SLC39A11: variants seen among roughly 807,000 people sequenced by gnomAD.
SLC39A11 encodes zinc transporter ZIP11.
In SLC39A11, 33 loss-of-function variants were observed where a neutral mutation model predicts 36.1. The observed-to-expected ratio is 0.91, with a 90% CI of 0.69 to 1.22. SLC39A11 has a LOEUF of 1.22. Ranked by LOEUF, SLC39A11 falls within the 50% of genes most tolerant of loss-of-function variation. SLC39A11 has a pLI of 0.00. For synonymous variants in SLC39A11, 166 were observed against 170.3 expected, an observed-to-expected ratio of 0.97 and a Z score of 0.20; for missense variants, 432 against 430.3, an observed-to-expected ratio of 1.00 and a Z score of -0.03.
intron 5 of SLC39A11, among the ~76,000 whole-genome samples, chr17:72,927,483 G>T (rs2084116239): frequency 6.6e-6 from 1 of 152,154 alleles, no homozygotes; most frequent in African/African-American, 2.4e-5. Flanking sequence ...TAGAATGGAA[G>T]GCCATCCCAT....
At chr17:72,747,121 G>A (rs972011639) in intron 6 of SLC39A11, among the ~76,000 whole-genome samples, 1 of 152,148 alleles carries the variant, frequency 6.6e-6, no homozygotes, top group African/African-American at 2.4e-5. Flanking sequence ...GGGCTTTGGG[G>A]ACAGGGTGTG....
intron 5 of SLC39A11, among the ~76,000 whole-genome samples, chr17:72,884,674 T>C (rs2081365668): frequency 6.6e-6 from 1 of 152,196 alleles, no homozygotes; most frequent in Non-Finnish European, 1.5e-5. Context: ...TCTTGAACAT[T>C]AGAGTTTAAT....
At chr17:72,992,064 C>T (rs932750784) in intron 4 of SLC39A11, among the ~76,000 whole-genome samples, 5 of 152,002 alleles carry the variant, frequency 3.3e-5, no homozygotes, top group Admixed American at 6.6e-5. Flanking sequence ...GAATTTAAAT[C>T]GCAGAGGCCA....
intron 4 of SLC39A11, among the ~76,000 whole-genome samples, chr17:72,992,737 C>T (rs2089257114): frequency 6.6e-6 from 1 of 152,060 alleles, no homozygotes; most frequent in African/African-American, 2.4e-5. Context: ...AATACTAATG[C>T]TAAAAAATAA....
intron 4 of SLC39A11, among the ~76,000 whole-genome samples, chr17:73,009,998 G>A (rs1408548916): frequency 6.6e-6 from 1 of 151,650 alleles, no homozygotes; most frequent in Non-Finnish European, 1.5e-5. Flanking sequence ...AGTAGGTTCT[G>A]GAGCCCTCTC....
intron 7 of SLC39A11, among the ~76,000 whole-genome samples, chr17:72,715,280 A>G (rs1457360445): frequency 6.6e-6 from 1 of 152,256 alleles, no homozygotes; most frequent in East Asian, 1.9e-4. Flanking sequence ...CGAATGATTT[A>G]GCAATGCCTC....
chr17:72,696,359 G>A (rs1015142706), intron 7 of SLC39A11, among the ~76,000 whole-genome samples: 3 of 152,096 alleles, frequency 2.0e-5, no homozygotes, highest in Non-Finnish European at 4.4e-5. Context: ...AATAGCAGTC[G>A]CCATTTACAA....
intron 4 of SLC39A11, among the ~76,000 whole-genome samples, chr17:72,973,004 G>A (rs2087567610): frequency 6.6e-6 from 1 of 151,692 alleles, no homozygotes; most frequent in Admixed American, 6.6e-5. Context: ...CCGAGCTCCT[G>A]GACAGCGACC....
intron 7 of SLC39A11, among the ~76,000 whole-genome samples, chr17:72,654,533 A>T (rs1449203907): frequency 6.6e-6 from 1 of 152,200 alleles, no homozygotes; most frequent in Non-Finnish European, 1.5e-5. Flanking sequence ...CCAATATTTC[A>T]TAAGCCCCTG....
intron 7 of SLC39A11, among the ~76,000 whole-genome samples, chr17:72,663,043 C>T (rs867253522): frequency 2.0e-5 from 3 of 152,208 alleles, no homozygotes; most frequent in African/African-American, 7.2e-5. Flanking sequence ...TCTGGAGCCA[C>T]GTCACAGACA....
At chr17:72,967,802 G>A (rs1205703131) in intron 4 of SLC39A11, among the ~76,000 whole-genome samples, 1 of 152,136 alleles carries the variant, frequency 6.6e-6, no homozygotes, top group African/African-American at 2.4e-5. Flanking sequence ...GAGAGCCGCT[G>A]GAGAGCTCAT....
intron 6 of SLC39A11, among the ~76,000 whole-genome samples, chr17:72,776,477 T>TAAAAGCACAAAAAAACATAAAATTCC (rs2076134758): frequency 6.6e-6 from 1 of 152,184 alleles, no homozygotes; most frequent in Admixed American, 6.5e-5. Flanking sequence ...TTTACTGAAA[T>TAAAAGCACAAAAAAACATAAAATTCC]CTGTATCAAA....
chr17:72,929,848 C>A (rs935531801), intron 5 of SLC39A11, among the ~76,000 whole-genome samples: 2 of 152,248 alleles, frequency 1.3e-5, no homozygotes, highest in South Asian at 2.1e-4. Flanking sequence ...GAAAACAGGG[C>A]ACATCGCTGT....
At chr17:72,808,033 A>T (rs1182810538) in intron 6 of SLC39A11, among the ~76,000 whole-genome samples, 1 of 152,052 alleles carries the variant, frequency 6.6e-6, no homozygotes, top group Non-Finnish European at 1.5e-5. Flanking sequence ...AAAACTAGAG[A>T]ATTGGTTGTT....
chr17:72,939,457 C>G (rs1457091986), intron 5 of SLC39A11, among the ~76,000 whole-genome samples: 2 of 11,024 alleles, frequency 1.8e-4, no homozygotes, highest in Non-Finnish European at 9.1e-4. Flanking sequence ...GGTTCCGTCT[C>G]GAAAAAAAAA....
intron 6 of SLC39A11, among the ~76,000 whole-genome samples, chr17:72,808,364 G>A (rs529629475): frequency 5.3e-5 from 8 of 152,312 alleles, no homozygotes; most frequent in South Asian, 2.1e-4. Context: ...GGCTGCCCTC[G>A]CTCATTCTTA....
chr17:72,976,844 G>A (rs1320619367), intron 4 of SLC39A11, among the ~76,000 whole-genome samples: 6 of 150,548 alleles, frequency 4.0e-5, no homozygotes, highest in South Asian at 2.1e-4. Context: ...GCAAGACTCC[G>A]TCTCAAAAAA....
chr17:72,822,329 G>T (rs58227521), intron 6 of SLC39A11, among the ~76,000 whole-genome samples: 36,817 of 146,722 alleles, frequency 0.25, 5,893 homozygotes, highest in East Asian at 0.41. Context: ...TATATATAGA[G>T]AGAGAGAGAG....
intron 5 of SLC39A11, among the ~76,000 whole-genome samples, chr17:72,854,010 G>A (rs1385455412): frequency 6.6e-6 from 1 of 151,978 alleles, no homozygotes; most frequent in Non-Finnish European, 1.5e-5. Context: ...GAGTAGAGGG[G>A]GGACTATTTC....
Sources: gnomAD v4.1 joint callset for allele counts (sites outside exome capture counted in the v4.1 genomes callset) on GRCh38, gnomAD v4.1.1 for gene constraint, MANE v1.5 for transcripts, NCBI Gene and HGNC (gene_info 2026-07-23, HGNC 2026-07-21) for gene names.